PRAG1: variants seen among roughly 807,000 people sequenced by gnomAD.
PRAG1 encodes the protein PEAK1 related, kinase-activating pseudokinase 1.
A neutral mutation model predicts 95.6 loss-of-function variants in PRAG1; 110 were observed. That is an observed-to-expected ratio of 1.15 (90% CI 0.99 to 1.35). The LOEUF is 1.35. Among genes scored for constraint, PRAG1 ranks in the 40% most tolerant of loss-of-function variants. PRAG1 has a pLI of 0.00. For missense variants in PRAG1, 2,554 were observed against 1,864.7 expected (o/e 1.37, Z -6.81); for synonymous variants, 1,052 against 819.4 (o/e 1.28, Z -4.85).
chr8:8,370,402 C>A (rs921693475), intron 3 of PRAG1, among the ~76,000 whole-genome samples: 2 of 152,230 alleles, frequency 1.3e-5, no homozygotes, highest in African/African-American at 4.8e-5. Flanking sequence ...TCTCCCCTGA[C>A]CAACTTGACC....
At chr8:8,339,208 G>A (rs777107539) in intron 4 of PRAG1, among the ~76,000 whole-genome samples, 3 of 152,176 alleles carry the variant, frequency 2.0e-5, no homozygotes, top group Non-Finnish European at 2.9e-5. Flanking sequence ...CATTACCCAA[G>A]GAAATAGGAG....
intron 3 of PRAG1, chr8:8,374,618 C>G: frequency 1.0e-6 from 1 of 975,774 alleles, no homozygotes; most frequent in Non-Finnish European, 1.2e-6. Flanking sequence ...ATCCCTGGCC[C>G]ATAGTGAGTG....
At position 8,381,804 on chromosome 8, in the gene PRAG1, G is replaced by A. The variant is rs1437426249; in HGVS notation, c.-57C>T. On this transcript the variant is annotated 5_prime_UTR_variant, in exon 2 of 6. Transcript: ENST00000615670. Reference sequence around the variant, plus strand: ...GCCCGGCTCTCTGGTGCAGTTTTGTGGGATTCAGAGGTGGGTCACAGAGCG... The same window carrying A: ...GCCCGGCTCTCTGGTGCAGTTTTGTAGGATTCAGAGGTGGGTCACAGAGCG... 7.8e-6 allele frequency: 11 copies of A among 1,417,512 alleles called. No individual in the cohort carries two copies. The highest frequency in any genetic ancestry group is 2.5e-5 in the East Asian group (1 of 40,606). The allele number at this position is 1,417,512 out of a possible 1,614,324, so 87.8% of individuals were successfully genotyped here.
chr8:8,348,023 T>C (rs954489221), intron 3 of PRAG1, among the ~76,000 whole-genome samples: 1 of 152,138 alleles, frequency 6.6e-6, no homozygotes, highest in Non-Finnish European at 1.5e-5. Context: ...TTCAAGAGAT[T>C]CTCATGCTTC....
chr8:8,345,600 G>C (rs1799314706), intron 3 of PRAG1, among the ~76,000 whole-genome samples: 1 of 151,940 alleles, frequency 6.6e-6, no homozygotes, highest in South Asian at 2.1e-4. Context: ...AGACCACCCT[G>C]GCCAACATGG....
intron 5 of PRAG1, among the ~76,000 whole-genome samples, chr8:8,324,422 A>G (rs1798567040): frequency 6.6e-6 from 1 of 152,164 alleles, no homozygotes; most frequent in Non-Finnish European, 1.5e-5. Context: ...GCTTCCTCAA[A>G]GGCCAGCAAC....
At chr8:8,379,859 G>C (rs535714576) in intron 2 of PRAG1, among the ~76,000 whole-genome samples, 1 of 152,356 alleles carries the variant, frequency 6.6e-6, no homozygotes. Context: ...AGTGACCCTA[G>C]AAGAAAGCTG....
chr8:8,318,151 G>C lies in PRAG1; in HGVS notation c.*3C>G. 1 of 1,610,030 alleles carries C rather than the reference G, an allele frequency of 6.2e-7. No homozygotes were observed. ...GCAGCGACGGTGCAGGCTGGGGCTT[G>C]GCTCACAGAAGCTGCAGGAGCTTCA... On this transcript the variant is annotated 3_prime_UTR_variant, in exon 6 of 6. Transcript: ENST00000615670. The surrounding 1 kb of genome is among the most constrained non-coding windows in gnomAD (Gnocchi z 4.2).
intron 3 of PRAG1, among the ~76,000 whole-genome samples, chr8:8,344,323 C>A (rs1257242095): frequency 2.0e-5 from 3 of 151,850 alleles, no homozygotes; most frequent in Non-Finnish European, 4.4e-5. Flanking sequence ...TTTAGGGTAG[C>A]AATATGAAGA....
chr8:8,338,533 GA>G (rs1399163717), intron 4 of PRAG1, among the ~76,000 whole-genome samples: 3 of 152,194 alleles, frequency 2.0e-5, no homozygotes, highest in Admixed American at 2.0e-4. Flanking sequence ...TACAGAAAAA[GA>G]AAATCTGTTG....
chr8:8,329,318 G>A (rs1318922467), intron 4 of PRAG1, among the ~76,000 whole-genome samples: 10 of 152,000 alleles, frequency 6.6e-5, no homozygotes, highest in South Asian at 4.2e-4. Context: ...GCTTGAGCCC[G>A]GGAGATGGAG....
chr8:8,330,415 C>T (rs1308421588), intron 4 of PRAG1, among the ~76,000 whole-genome samples: 1 of 152,154 alleles, frequency 6.6e-6, no homozygotes, highest in Non-Finnish European at 1.5e-5. Flanking sequence ...GCTCTCCTTG[C>T]CCACTTTCCC....
chr8:8,341,740 G>A (rs1445177110), intron 3 of PRAG1, among the ~76,000 whole-genome samples: 1 of 152,118 alleles, frequency 6.6e-6, no homozygotes, highest in Non-Finnish European at 1.5e-5. Flanking sequence ...CTCATATTTA[G>A]TTTAAGATTT....
rs1454980191 is a variant in PRAG1 at position 8,318,978 on chromosome 8, G to C, written c.3397C>G (p.Leu1133Val). The change falls in exon 6 of 6, where the codon CTG (leucine) becomes GTG (valine). Residue 1133 changes from leucine to valine, a missense_variant. Coordinates refer to ENST00000615670, the MANE Select transcript of PRAG1 (RefSeq NM_001080826.3). This position sits in a 1 kb window ranked among gnomAD's most constrained non-coding sequence, Gnocchi z 4.2. ...CFLLLQLCNG[L>V]EHLKEHGIIH... ...ATCCCGTGCTCCTTCAGGTGCTCCAGCCCGTTGCAGAGTTGCAGAAGCAGG... is the reference window on the plus strand; with the variant it reads ...ATCCCGTGCTCCTTCAGGTGCTCCACCCCGTTGCAGAGTTGCAGAAGCAGG... 3.7e-6 allele frequency: 6 copies of C among 1,613,232 alleles called. No individual in the cohort carries two copies. In the South Asian group the frequency reaches 5.5e-5, roughly 15 times the overall value.
At chr8:8,373,454 A>ATTGTTTTTTTTGTTTT (rs1470559658) in intron 3 of PRAG1, among the ~76,000 whole-genome samples, 20 of 138,356 alleles carry the variant, frequency 1.4e-4, no homozygotes, top group African/African-American at 5.5e-4. Flanking sequence ...TATTTTCTAG[A>ATTGTTTTTTTTGTTTT]TTTTTTTTTT....
At chr8:8,322,748 C>T (rs1798513590) in intron 5 of PRAG1, among the ~76,000 whole-genome samples, 1 of 152,210 alleles carries the variant, frequency 6.6e-6, no homozygotes, top group Non-Finnish European at 1.5e-5. Flanking sequence ...ATAATCCAGA[C>T]ATTCCTTTCT....
chr8:8,318,825 C>T lies in PRAG1; in HGVS notation c.3550G>A (p.Ala1184Thr), dbSNP rs1403915541. 4 of 1,276,838 alleles carry T rather than the reference C, an allele frequency of 3.1e-6. No individual in the cohort carries two copies. In the African/African-American group the frequency reaches 5.8e-5, roughly 19 times the overall value. The allele number at this position is 1,276,838 out of a possible 1,614,324, so 79.1% of individuals were successfully genotyped here. The change falls in exon 6 of 6, where the codon GCC (alanine) becomes ACC (threonine). Residue 1184 changes from alanine to threonine, a missense_variant. By Grantham distance (58) the Ala-to-Thr change is moderately conservative. Transcript: ENST00000615670. The surrounding 1 kb of genome is among the most constrained non-coding windows in gnomAD (Gnocchi z 4.2). ...PAAAAPPCSS[A>T]APPAGGTLSP... is the part of the protein sequence containing the mutation. ...AGAGTGCCACCAGCAGGCGGGGCGG[C>T]AGAGGAGCAGGGAGGCGCGGCGGCG...
At chr8:8,338,987 G>A (rs188013228) in intron 4 of PRAG1, among the ~76,000 whole-genome samples, 43 of 152,308 alleles carry the variant, frequency 2.8e-4, no homozygotes, top group Non-Finnish European at 5.9e-5. Flanking sequence ...CCAAAAAGCA[G>A]GCTAGATGGT....
In PRAG1 at chr8:8,377,380, A is replaced by G. The variant is rs199913686; in HGVS notation, c.1029T>C (p.Cys343=). The G allele has an allele frequency of 3.4e-5, 54 of 1,567,586 alleles. No individual in the cohort carries two copies. Among genetic ancestry groups the G allele is most frequent in the Non-Finnish European group, 4.5e-5 (52 of 1,154,518 alleles). Residue 343 remains cysteine (C), a synonymous_variant, in exon 3 of 6, where the codon TGT becomes TGC. Transcript: ENST00000615670. ...CGCTGCCGCTGCCGCTGCCGCTGCC[A>G]CAAGAGAGGCCGTCGGAAGAAATGG... ...EAAISSDGLS[C]GSGSGSGSGA...
Sources: allele counts gnomAD v4.1 joint callset (sites outside exome capture counted in the v4.1 genomes callset), GRCh38; gene constraint gnomAD v4.1.1; non-coding constraint Gnocchi (gnomAD v3.1); transcripts MANE v1.5; gene names NCBI Gene and HGNC (gene_info 2026-07-23, HGNC 2026-07-21).